Variants in APOOL observed in about 807,000 individuals in gnomAD.
APOOL encodes the protein apolipoprotein O like, also known as MICOS complex subunit MIC27.
In APOOL, 12 loss-of-function variants were observed where a neutral mutation model predicts 23.1. The ratio of observed to expected loss-of-function variants is 0.52; its 90% CI spans 0.33 to 0.84. The LOEUF (loss-of-function observed/expected upper bound fraction) is 0.84. APOOL is among the 40% of genes least tolerant of loss of function. The pLI, the probability that APOOL is intolerant of heterozygous loss-of-function variation, is 0.02. For synonymous variants in APOOL, 77 were observed against 69.9 expected, an observed-to-expected ratio of 1.10 and a Z score of -0.51; for missense variants, 212 against 199.6, an observed-to-expected ratio of 1.06 and a Z score of -0.37.
At chrX:85,079,337 A>G (rs934645540) in intron 8 of APOOL, among the ~76,000 whole-genome samples, 2 of 111,851 alleles carry the variant, frequency 1.8e-5, no homozygotes, top group Non-Finnish European at 3.8e-5. Flanking sequence ...TTCTGCATCT[A>G]TTGAGATAAT....
chrX:85,085,946 T>A (rs1222041046), intron 8 of APOOL, among the ~76,000 whole-genome samples: 1 of 112,440 alleles, frequency 8.9e-6, no homozygotes, highest in Non-Finnish European at 1.9e-5. Flanking sequence ...ACCAGCTGAA[T>A]GACTTTGGTC....
rs774467647 is a variant in APOOL at position 85,003,932 on chromosome X, G to C, written c.15+5G>C. 72 of 1,210,227 alleles carry C rather than the reference G, an allele frequency of 5.9e-5. No homozygotes were observed. Among genetic ancestry groups the C allele is most frequent in the Non-Finnish European group, 7.8e-5 (70 of 895,220 alleles). On this transcript the variant is annotated splice_donor_5th_base_variant and intron_variant, in intron 1 of 8. Coordinates refer to ENST00000373173, the MANE Select transcript of APOOL (RefSeq NM_198450.6). ...GTAGACATGGCGGCCATCAGGGTAA[G>C]CGAAAACCAACTTGCTTAATTTCTG...
At chrX:85,073,960 A>C (rs1923751397) in intron 6 of APOOL, 38 bp from the exon 7 acceptor site, 8 of 976,487 alleles carry the variant, frequency 8.2e-6, no homozygotes, top group Non-Finnish European at 9.6e-6. Flanking sequence ...TTTAACTTTT[A>C]AAAATATGTT....
chrX:85,041,011 C>T (rs763539681), intron 1 of APOOL, among the ~76,000 whole-genome samples: 17 of 111,738 alleles, frequency 1.5e-4, no homozygotes, highest in Non-Finnish European at 3.0e-4. Flanking sequence ...TGTGGGCTGA[C>T]GTTCCTTTAA....
chrX:85,059,482 A>G (rs1375806483), intron 5 of APOOL, among the ~76,000 whole-genome samples: 1 of 110,050 alleles, frequency 9.1e-6, no homozygotes, highest in African/African-American at 3.4e-5. Context: ...GAACTAGTTT[A>G]CAGTCCCACC....
At chrX:85,018,467 C>T (rs1014486465) in intron 1 of APOOL, among the ~76,000 whole-genome samples, 4 of 111,807 alleles carry the variant, frequency 3.6e-5, no homozygotes, top group Non-Finnish European at 5.6e-5. Context: ...AACCTCCCAC[C>T]GGGCCCCACC....
At chrX:85,029,901 A>T (rs1393286138) in intron 1 of APOOL, among the ~76,000 whole-genome samples, 1 of 112,158 alleles carries the variant, frequency 8.9e-6, no homozygotes, top group Non-Finnish European at 1.9e-5. Context: ...GAACACTTTT[A>T]CACTGCTGGA....
chrX:85,068,658 G>A (rs1196935824), intron 6 of APOOL, among the ~76,000 whole-genome samples: 1 of 110,496 alleles, frequency 9.1e-6, no homozygotes, highest in East Asian at 2.8e-4. Context: ...CATCCGCCTC[G>A]GCCTCCCAAA....
intron 1 of APOOL, among the ~76,000 whole-genome samples, chrX:85,014,519 A>T (rs1921397618): frequency 9.4e-6 from 1 of 106,556 alleles, no homozygotes; most frequent in African/African-American, 3.6e-5. Context: ...GGTAGTGGCA[A>T]ATTCTCAGCA....
chrX:85,013,012 C>T lies in APOOL; in HGVS notation c.15+9085C>T, dbSNP rs763720319. On this transcript the variant is annotated intron_variant, in intron 1 of 8. Coordinates refer to ENST00000373173, the MANE Select transcript of APOOL (RefSeq NM_198450.6). ...GTTGGCAATTTTTAAATTACTGTTT[C>T]GATTTCGCTATTGGTCTGTTCAGTT... 4.5e-5 allele frequency among the ~76,000 whole-genome samples: 5 copies of T among 111,368 alleles called. No homozygotes were observed. In the South Asian group the frequency reaches 1.5e-3, roughly 33 times the overall value.
chrX:85,033,983 G>A lies in APOOL; in HGVS notation c.16-12463G>A, dbSNP rs778467328. 4.5e-5 allele frequency among the ~76,000 whole-genome samples: 5 copies of A among 111,376 alleles called. No individual in the cohort carries two copies. In the South Asian group the frequency reaches 1.1e-3, roughly 25 times the overall value. On this transcript the variant is annotated intron_variant, in intron 1 of 8. Coordinates refer to ENST00000373173, the MANE Select transcript of APOOL (RefSeq NM_198450.6). Reference sequence around the variant, plus strand: ...TTTTATAATCAGAAGTGGCCAACTGGAGTAACCTTACCTCTAACACTCAGC... The same window carrying A: ...TTTTATAATCAGAAGTGGCCAACTGAAGTAACCTTACCTCTAACACTCAGC...
rs188761497 is a variant in APOOL at position 85,081,038 on chromosome X, C to G, written c.719-6552C>G. Among the ~76,000 whole-genome samples, 3 of 111,469 alleles carry G rather than the reference C, an allele frequency of 2.7e-5. No individual in the cohort carries two copies. In the Admixed American group the frequency reaches 2.9e-4, roughly 11 times the overall value. The stretch of plus-strand genomic sequence containing the variant: ...TCCAGCACACTGATGGGTCTTGACT[C>G]TTTATCCAATTTGCCAGTCTGTGTC... On this transcript the variant is annotated intron_variant, in intron 8 of 8. Transcript: ENST00000373173.
rs369967992 is a variant in APOOL at position 85,015,372 on chromosome X, G to A, written c.15+11445G>A. Among the ~76,000 whole-genome samples, 18 of 110,390 alleles carry A rather than the reference G, an allele frequency of 1.6e-4. No individual in the cohort carries two copies. In the South Asian group the frequency reaches 2.3e-3, roughly 14 times the overall value. ...TGGATCCACTGCTTGGGGAGCTCGT[G>A]TGATTATTTGGGGGTGTTATAGAAC... On this transcript the variant is annotated intron_variant, in intron 1 of 8. Transcript: ENST00000373173.
chrX:85,093,278 T>A lies in APOOL; in HGVS notation c.*5600T>A. ...ACTGCAAATTTCACTTAACTTGTTA[T>A]TTGCTTTAGTTTAAAATAAATAATA... On this transcript the variant is annotated 3_prime_UTR_variant, in exon 9 of 9. Transcript: ENST00000373173. The A allele has an allele frequency of 9.3e-7, 1 of 1,074,428 alleles. No individual in the cohort carries two copies. The highest frequency in any genetic ancestry group is 1.3e-6 in the Non-Finnish European group (1 of 795,257). The allele number at this position is 1,074,428 out of a possible 1,213,427, so 88.5% of individuals were successfully genotyped here. A position where few individuals can be genotyped will look rare whatever the true frequency, so the allele number is the denominator to read the frequency against.
At chrX:85,074,474 A>T (rs1923777938) in intron 8 of APOOL, 83 bp downstream of exon 8, 2 of 1,025,850 alleles carry the variant, frequency 1.9e-6, no homozygotes, top group South Asian at 2.2e-5. Context: ...TGAACTTAAG[A>T]TGTGTTCTCC....
chrX:85,043,628 C>G (rs866127343), intron 1 of APOOL, among the ~76,000 whole-genome samples: 15 of 111,835 alleles, frequency 1.3e-4, no homozygotes, highest in Middle Eastern at 9.2e-3. Context: ...AGCTTTCCCT[C>G]TTTAAGATAG....
chrX:85,072,741 C>T (rs1923711627), intron 6 of APOOL, among the ~76,000 whole-genome samples: 2 of 111,019 alleles, frequency 1.8e-5, no homozygotes, highest in Non-Finnish European at 3.8e-5. Flanking sequence ...AATATAGAAC[C>T]GTGCCTTTGA....
chrX:85,050,100 TG>T lies in APOOL; in HGVS notation c.121-1287del, dbSNP rs1240138301. Among the ~76,000 whole-genome samples, 5 of 88,284 alleles carry T rather than the reference TG, an allele frequency of 5.7e-5. No homozygotes were observed. In the Admixed American group the frequency reaches 6.6e-4, roughly 12 times the overall value. The allele number at this position is 88,284 out of a possible 115,157, so 76.7% of individuals were successfully genotyped here. ...TCCTAATTATACATAGTTGCCAATG[TG>T]GTGAATTTAAGCATTAGTCCAGAAA... On this transcript the variant is annotated intron_variant, in intron 2 of 8. Coordinates refer to ENST00000373173, the MANE Select transcript of APOOL (RefSeq NM_198450.6).
At chrX:85,083,215 A>G (rs1924174165) in intron 8 of APOOL, among the ~76,000 whole-genome samples, 1 of 111,728 alleles carries the variant, frequency 9.0e-6, no homozygotes, top group South Asian at 3.8e-4. Flanking sequence ...TAGTTATGCA[A>G]AAAGGCAGGA....
Sources: allele counts gnomAD v4.1 joint callset (sites outside exome capture counted in the v4.1 genomes callset), GRCh38; gene constraint gnomAD v4.1.1; transcripts MANE v1.5; gene names NCBI Gene and HGNC (gene_info 2026-07-23, HGNC 2026-07-21).